The following DLG2 variants were observed in gnomAD, a reference collection of about 807,000 sequenced individuals.
DLG2 encodes the protein disks large homolog 2.
Under a neutral mutation model 132.5 loss-of-function variants are expected in DLG2, and 45 were observed. The observed-to-expected ratio is 0.34, with a 90% CI of 0.27 to 0.44. The LOEUF is 0.44. Among genes scored for constraint, DLG2 ranks in the 20% least tolerant of loss-of-function variants. The probability of loss-of-function intolerance (pLI) is 1.00; values close to 1 mark genes in which losing one functional copy is unlikely to be tolerated. For synonymous variants in DLG2, 424 were observed against 419.6 expected (o/e 1.01, Z -0.13); for missense variants, 1,045 against 1,196.9 (o/e 0.87, Z 1.87).
At chr11:83,956,603 G>A (rs148776216) in intron 14 of DLG2, among the ~76,000 whole-genome samples, 1 of 152,182 alleles carries the variant, frequency 6.6e-6, no homozygotes, top group African/African-American at 2.4e-5. Flanking sequence ...AGTAGACAGG[G>A]TGCCCCTACC....
chr11:84,293,892 A>AACTAGATATTCT (rs1339149286), intron 7 of DLG2, among the ~76,000 whole-genome samples: 5 of 152,210 alleles, frequency 3.3e-5, no homozygotes, highest in Non-Finnish European at 5.9e-5. Context: ...ATTATGCAAT[A>AACTAGATATTCT]ACTAGATATT....
chr11:85,427,617 C>T (rs546576031), intron 3 of DLG2, among the ~76,000 whole-genome samples: 1 of 152,310 alleles, frequency 6.6e-6, no homozygotes, highest in African/African-American at 2.4e-5. Context: ...AAAAGAGCTC[C>T]TGAAGGAAGC....
chr11:83,567,238 A>G (rs2096724575), intron 19 of DLG2, among the ~76,000 whole-genome samples: 1 of 152,192 alleles, frequency 6.6e-6, no homozygotes, highest in East Asian at 1.9e-4. Context: ...CCAAGCTATA[A>G]TATTTTCTTG....
At chr11:85,585,596 T>C (rs2078913016) in intron 3 of DLG2, among the ~76,000 whole-genome samples, 1 of 152,222 alleles carries the variant, frequency 6.6e-6, no homozygotes, top group Non-Finnish European at 1.5e-5. Context: ...CCTTCTGTGC[T>C]AATTTTGCTG....
At chr11:85,396,013 G>A (rs1490576588) in intron 3 of DLG2, among the ~76,000 whole-genome samples, 1 of 152,138 alleles carries the variant, frequency 6.6e-6, no homozygotes, top group Non-Finnish European at 1.5e-5. Flanking sequence ...CCTCCCAGTA[G>A]GGGCCGACAG....
Position 83,586,019 on chromosome 11 carries a change from C to A in DLG2, c.1941-44161G>T, listed in dbSNP as rs1226017293. Among the ~76,000 whole-genome samples, 3 of 152,216 alleles carry A rather than the reference C, an allele frequency of 2.0e-5. No homozygotes were observed. The South Asian group carries it at 6.2e-4, about 31-fold the overall frequency. ...CTTCTCCTAGTGAAACCAGAAAGGA[C>A]TCTTCAAGAAATAAGATTTTGAGAG... On this transcript the variant is annotated intron_variant, in intron 19 of 27. Coordinates refer to ENST00000376104, the MANE Select transcript of DLG2 (RefSeq NM_001142699.3).
At chr11:83,931,358 A>T (rs1359983461) in intron 14 of DLG2, among the ~76,000 whole-genome samples, 2 of 152,214 alleles carry the variant, frequency 1.3e-5, no homozygotes, top group African/African-American at 2.4e-5. Context: ...CTTCTTTTAG[A>T]TCATAAAACA....
Position 85,377,801 on chromosome 11 carries a change from A to ATG in DLG2, c.41-92437_41-92436insCA, listed in dbSNP as rs1177394608. On this transcript the variant is annotated intron_variant, in intron 3 of 27. Coordinates refer to ENST00000376104, the MANE Select transcript of DLG2 (RefSeq NM_001142699.3). ...TGTGTATACATATATATATATATAT[A>ATG]TATGTGTGTGTGTGTGTGTGTGTAT... 6.4e-4 allele frequency among the ~76,000 whole-genome samples: 61 copies of ATG among 95,870 alleles called. 1 individual carries two copies. Among genetic ancestry groups the ATG allele is most frequent in the African/African-American group, 1.5e-3 (40 of 27,476 alleles). 62.9% of individuals were successfully genotyped at this position (95,870 alleles called of 152,430 possible). A position where few individuals can be genotyped will look rare whatever the true frequency, so the allele number is the denominator to read the frequency against.
intron 5 of DLG2, among the ~76,000 whole-genome samples, chr11:85,126,334 ACTC>A (rs147821818): frequency 0.011 from 1,676 of 152,244 alleles, 33 homozygotes; most frequent in African/African-American, 0.038. Flanking sequence ...TTGTGTAACT[ACTC>A]ATCTTTCAAT....
In DLG2 at chr11:84,875,054, G is replaced by A. The variant is rs1385402131; in HGVS notation, c.357+236607C>T. Among the ~76,000 whole-genome samples the A allele has an allele frequency of 2.0e-5, 3 of 150,920 alleles. No homozygotes were observed. In the East Asian group the frequency reaches 5.8e-4, roughly 29 times the overall value. On this transcript the variant is annotated intron_variant, in intron 6 of 27. Coordinates refer to ENST00000376104, the MANE Select transcript of DLG2 (RefSeq NM_001142699.3). The stretch of plus-strand genomic sequence containing the variant: ...AAAAAAAAAAGAGAAAGATTTAGGA[G>A]TCAATATTGACTGATGCATGAAAGC...
intron 6 of DLG2, among the ~76,000 whole-genome samples, chr11:84,685,187 T>A (rs2153713892): frequency 6.6e-6 from 1 of 152,306 alleles, no homozygotes; most frequent in African/African-American, 2.4e-5. Context: ...TCTGACAACC[T>A]ATCCACCATA....
intron 6 of DLG2, among the ~76,000 whole-genome samples, chr11:84,920,713 A>G (rs80348482): frequency 3.3e-5 from 5 of 151,050 alleles, no homozygotes; most frequent in Non-Finnish European, 5.9e-5. Context: ...GTTTGTAAAT[A>G]TGTGTGTGTG....
At chr11:83,657,493 T>G (rs1050773393) in intron 18 of DLG2, among the ~76,000 whole-genome samples, 2 of 152,114 alleles carry the variant, frequency 1.3e-5, no homozygotes, top group African/African-American at 4.8e-5. Flanking sequence ...TTGGTTATAC[T>G]GTTGTTTACC....
chr11:83,592,076 T>C (rs2097197622), intron 19 of DLG2, among the ~76,000 whole-genome samples: 1 of 149,890 alleles, frequency 6.7e-6, no homozygotes, highest in Admixed American at 6.7e-5. Flanking sequence ...CCCAAGGTAA[T>C]TTACAGATTC....
intron 7 of DLG2, among the ~76,000 whole-genome samples, chr11:84,339,178 AG>A (rs1253063938): frequency 1.3e-5 from 2 of 152,170 alleles, no homozygotes; most frequent in Non-Finnish European, 2.9e-5. Flanking sequence ...ACTTCTATCA[AG>A]CTGAAGGGAT....
Position 83,509,420 on chromosome 11 carries a change from C to G in DLG2, c.2193+23288G>C, listed in dbSNP as rs113337553. ...CCTAACTGGAACCCAAATCTCTCCA[C>G]CTACAGAGCATATTTTCCTTCCTCT... On this transcript the variant is annotated intron_variant, in intron 21 of 27. Transcript: ENST00000376104. 2.2e-3 allele frequency among the ~76,000 whole-genome samples: 338 copies of G among 152,308 alleles called. 2 individuals are homozygous for G. The highest frequency in any genetic ancestry group is 3.4e-3 in the Admixed American group (52 of 15,304).
At chr11:85,173,478 A>C (rs2079015925) in intron 4 of DLG2, among the ~76,000 whole-genome samples, 1 of 152,180 alleles carries the variant, frequency 6.6e-6, no homozygotes, top group Non-Finnish European at 1.5e-5. Flanking sequence ...AGGAAGCACT[A>C]AATATGGAAA....
chr11:85,053,527 G>A (rs554133638), intron 6 of DLG2, among the ~76,000 whole-genome samples: 4 of 151,344 alleles, frequency 2.6e-5, no homozygotes, highest in South Asian at 4.2e-4. Flanking sequence ...GGTGGCTCAC[G>A]CCTGTAATCC....
intron 15 of DLG2, among the ~76,000 whole-genome samples, chr11:83,882,427 T>C (rs2066537588): frequency 6.6e-6 from 1 of 151,956 alleles, no homozygotes; most frequent in Non-Finnish European, 1.5e-5. Context: ...AACAGATGGA[T>C]ATAAGTATGA....
Sources: allele counts gnomAD v4.1 joint callset (sites outside exome capture counted in the v4.1 genomes callset), GRCh38; gene constraint gnomAD v4.1.1; transcripts MANE v1.5; gene names NCBI Gene and HGNC (gene_info 2026-07-23, HGNC 2026-07-21).